FRS2: variants seen among roughly 807,000 people sequenced by gnomAD.
FRS2 encodes FGFR signalling adaptor.
FRS2 carries 8 observed loss-of-function variants against 43.9 expected under a neutral mutation model. The ratio of observed to expected loss-of-function variants is 0.18; its 90% CI spans 0.11 to 0.33. The LOEUF (loss-of-function observed/expected upper bound fraction) is 0.33, where lower values mean the gene tolerates loss of function less well. Ranked by LOEUF, FRS2 falls within the 10% of genes least tolerant of loss-of-function variation. The pLI is 1.00. For synonymous variants in FRS2, 219 were observed against 220.3 expected, an observed-to-expected ratio of 0.99 and a Z score of 0.05; for missense variants, 534 against 627.6, an observed-to-expected ratio of 0.85 and a Z score of 1.59.
At chr12:69,532,149 T>A (rs1876862153) in intron 3 of FRS2, 93 bp downstream of exon 3, 1 of 152,384 alleles carries the variant, frequency 6.6e-6, no homozygotes, top group Admixed American at 6.5e-5. Context: ...TGTATTTATT[T>A]AATATCTTTT....
intron 1 of FRS2, among the ~76,000 whole-genome samples, chr12:69,496,306 G>A (rs1267524646): frequency 6.6e-6 from 1 of 152,098 alleles, no homozygotes; most frequent in African/African-American, 2.4e-5. Context: ...GCGTGGTGGT[G>A]GGCACCTGTA....
At position 69,573,975 on chromosome 12, in the gene FRS2, TTAAC is replaced by T. The variant is rs767101492; in HGVS notation, c.577-26_577-23del. 3.4e-6 allele frequency: 5 copies of T among 1,457,230 alleles called. No homozygotes were observed. The South Asian group carries it at 3.8e-5, about 11-fold the overall frequency. The allele number at this position is 1,457,230 out of a possible 1,614,324, so 90.3% of individuals were successfully genotyped here. A position where few individuals can be genotyped will look rare whatever the true frequency, so the allele number is the denominator to read the frequency against. ...TTTCAGTTTTGTTTTTTTAAGTAAG[TTAAC>T]TAATTCACTTTCTGTTTTGTTTTAG... On this transcript the variant is annotated intron_variant, in intron 8 of 8. Transcript: ENST00000549921.
intron 3 of FRS2, among the ~76,000 whole-genome samples, chr12:69,554,251 A>G (rs1879151659): frequency 1.3e-5 from 2 of 152,188 alleles, no homozygotes; most frequent in African/African-American, 4.8e-5. Flanking sequence ...AGCTATTCAA[A>G]CACTAGAAAA....
chr12:69,540,736 G>T (rs1431150186), intron 3 of FRS2, among the ~76,000 whole-genome samples: 1 of 152,150 alleles, frequency 6.6e-6, no homozygotes, highest in Non-Finnish European at 1.5e-5. Flanking sequence ...GAAGAGTTCG[G>T]GGAGAAGTAA....
At chr12:69,471,404 G>A (rs887613688) in intron 1 of FRS2, among the ~76,000 whole-genome samples, 2 of 152,144 alleles carry the variant, frequency 1.3e-5, no homozygotes, top group African/African-American at 4.8e-5. Context: ...TTCTCCCAAA[G>A]TTTGTTTACC....
At chr12:69,489,668 CAAAA>C (rs11334694) in intron 1 of FRS2, among the ~76,000 whole-genome samples, 5 of 91,740 alleles carry the variant, frequency 5.5e-5, no homozygotes, top group Admixed American at 1.1e-4. Context: ...GACTCCATCT[CAAAA>C]AAAAAAAAAA....
chr12:69,536,338 A>G (rs1264732384), intron 3 of FRS2, among the ~76,000 whole-genome samples: 3 of 151,540 alleles, frequency 2.0e-5, no homozygotes, highest in Non-Finnish European at 4.4e-5. Flanking sequence ...TGGCCAGGCC[A>G]GTCTCGAATT....
intron 3 of FRS2, among the ~76,000 whole-genome samples, chr12:69,553,076 T>C: frequency 6.6e-6 from 1 of 152,092 alleles, no homozygotes. Context: ...TGTTTTTGTT[T>C]TTGTTTTTAG....
chr12:69,508,708 G>A (rs187939121), intron 1 of FRS2, among the ~76,000 whole-genome samples: 20 of 152,274 alleles, frequency 1.3e-4, no homozygotes, highest in African/African-American at 4.6e-4. Flanking sequence ...TTACAAGGCA[G>A]TCAGTTTCCG....
chr12:69,546,420 G>A (rs541857051), intron 3 of FRS2, among the ~76,000 whole-genome samples: 1 of 152,210 alleles, frequency 6.6e-6, no homozygotes, highest in Admixed American at 6.5e-5. Context: ...ACCACACCTG[G>A]CTAATTTTTG....
chr12:69,563,276 G>C (rs567365624), intron 4 of FRS2, among the ~76,000 whole-genome samples: 1 of 152,142 alleles, frequency 6.6e-6, no homozygotes, highest in Non-Finnish European at 1.5e-5. Flanking sequence ...GAAAGAATCA[G>C]ATATGTGGAT....
chr12:69,517,651 A>G (rs1277680846), intron 1 of FRS2, among the ~76,000 whole-genome samples: 2 of 152,162 alleles, frequency 1.3e-5, no homozygotes, highest in Non-Finnish European at 2.9e-5. Context: ...GGCCATTTCT[A>G]ATTTCCTTTA....
intron 1 of FRS2, among the ~76,000 whole-genome samples, chr12:69,511,956 A>G (rs1874499984): frequency 1.3e-5 from 2 of 152,204 alleles, no homozygotes; most frequent in African/African-American, 4.8e-5. Context: ...GTCAGTCTCA[A>G]CCAGGGATGA....
intron 1 of FRS2, among the ~76,000 whole-genome samples, chr12:69,524,465 T>G (rs550941167): frequency 6.6e-6 from 1 of 151,964 alleles, no homozygotes; most frequent in South Asian, 2.1e-4. Context: ...ACTCTGCCAG[T>G]CAGGCATGGC....
chr12:69,517,780 T>G (rs1293339094), intron 1 of FRS2, among the ~76,000 whole-genome samples: 1 of 152,182 alleles, frequency 6.6e-6, no homozygotes, highest in Non-Finnish European at 1.5e-5. Context: ...TGTTGGAATG[T>G]GTAATTCTGG....
chr12:69,472,505 T>C (rs1431687573), intron 1 of FRS2, among the ~76,000 whole-genome samples: 2 of 152,080 alleles, frequency 1.3e-5, no homozygotes, highest in Non-Finnish European at 2.9e-5. Context: ...TCTGGAAAAA[T>C]AGTTAAGTTA....
intron 1 of FRS2, among the ~76,000 whole-genome samples, chr12:69,508,502 A>G (rs1185374816): frequency 1.3e-5 from 2 of 152,202 alleles, no homozygotes; most frequent in Non-Finnish European, 2.9e-5. Flanking sequence ...GAAATTAATA[A>G]TGATAGTTGG....
At chr12:69,537,477 T>G (rs1322168728) in intron 3 of FRS2, among the ~76,000 whole-genome samples, 1 of 152,204 alleles carries the variant, frequency 6.6e-6, no homozygotes. Flanking sequence ...TGTGTAGAAT[T>G]CTGTTTTCTC....
rs185779829 is a variant in FRS2, at chr12:69,561,944, A to C, written c.-121-236A>C. On this transcript the variant is annotated intron_variant, in intron 3 of 8. Coordinates refer to ENST00000549921, the MANE Select transcript of FRS2 (RefSeq NM_001278356.2). Reference sequence around the variant, plus strand: ...TCGCTGTAGTAGAGAAGCCAGAAACATCATAGAACTTAGACTATCACATTT... The same window carrying C: ...TCGCTGTAGTAGAGAAGCCAGAAACCTCATAGAACTTAGACTATCACATTT... Among the ~76,000 whole-genome samples the C allele has an allele frequency of 2.5e-4, 38 of 152,352 alleles. 1 individual carries two copies. The Middle Eastern group carries it at 0.01, about 41-fold the overall frequency.
Sources: allele counts gnomAD v4.1 joint callset (sites outside exome capture counted in the v4.1 genomes callset), GRCh38; gene constraint gnomAD v4.1.1; transcripts MANE v1.5; gene names NCBI Gene and HGNC (gene_info 2026-07-23, HGNC 2026-07-21).